TACC2: variants seen among roughly 807,000 people sequenced by gnomAD.
The protein encoded by TACC2 is transforming acidic coiled-coil containing protein 2.
TACC2 carries 137 observed loss-of-function variants against 227.3 expected under a neutral mutation model. The observed-to-expected ratio is 0.60, with a 90% CI of 0.52 to 0.69. TACC2 has a LOEUF of 0.69. TACC2 is among the 30% of genes least tolerant of loss of function. The probability of loss-of-function intolerance (pLI) is 0.00; values close to 1 mark genes in which losing one functional copy is unlikely to be tolerated. For missense variants in TACC2, 3,470 were observed against 3,694.4 expected (o/e 0.94, Z 1.57); for synonymous variants, 1,523 against 1,487.5 (o/e 1.02, Z -0.55).
intron 6 of TACC2, among the ~76,000 whole-genome samples, chr10:122,134,380 G>A (rs545409243): frequency 2.6e-5 from 4 of 151,918 alleles, no homozygotes; most frequent in Non-Finnish European, 5.9e-5. Context: ...ATTTTGCCAT[G>A]TTGGCCAGGC....
intron 14 of TACC2, among the ~76,000 whole-genome samples, chr10:122,228,974 A>G (rs2095680541): frequency 6.6e-6 from 1 of 151,632 alleles, no homozygotes; most frequent in Non-Finnish European, 1.5e-5. Context: ...CTTACTTCAT[A>G]TATATATATA....
chr10:122,182,515 G>T (rs2094005168), intron 7 of TACC2, among the ~76,000 whole-genome samples: 1 of 152,168 alleles, frequency 6.6e-6, no homozygotes, highest in Non-Finnish European at 1.5e-5. Flanking sequence ...TTCTCAGCAG[G>T]ACTCAGTAAT....
chr10:122,087,660 G>T lies in TACC2; in HGVS notation c.5160G>T (p.Ala1720=). The T allele has an allele frequency of 1.2e-6, 2 of 1,613,416 alleles. No individual in the cohort carries two copies. Among genetic ancestry groups the T allele is most frequent in the Non-Finnish European group, 8.5e-7 (1 of 1,179,998 alleles). ...GCACAGCTGAGACACAGGCATGTGCGTCCGGTGATCTGCCTGAAGCAGGTA... is the reference window on the plus strand; with the variant it reads ...GCACAGCTGAGACACAGGCATGTGCTTCCGGTGATCTGCCTGAAGCAGGTA... ...TLSTAETQAC[A]SGDLPEAGTT... is the part of the protein sequence containing the mutation. The change falls in exon 4 of 23, where the codon GCG becomes GCT. Residue 1720 remains alanine (A), a synonymous_variant. Coordinates refer to ENST00000369005, the MANE Select transcript of TACC2 (RefSeq NM_206862.4).
chr10:122,193,940 C>T (rs2094488052), intron 7 of TACC2, among the ~76,000 whole-genome samples: 1 of 152,034 alleles, frequency 6.6e-6, no homozygotes, highest in South Asian at 2.1e-4. Flanking sequence ...TTTTAAGAGA[C>T]AGGGTCTTGC....
chr10:122,158,825 C>T (rs188980725), intron 7 of TACC2, among the ~76,000 whole-genome samples: 6 of 152,304 alleles, frequency 3.9e-5, no homozygotes, highest in South Asian at 4.2e-4. Context: ...TGCAAATAAA[C>T]GAACACAACC....
chr10:122,245,291 T>C (rs2096086049), intron 19 of TACC2, among the ~76,000 whole-genome samples: 1 of 152,186 alleles, frequency 6.6e-6, no homozygotes, highest in African/African-American at 2.4e-5. Context: ...CTAACTGCGT[T>C]TGTCATGTAC....
At position 122,050,521 on chromosome 10, in the gene TACC2, CG is replaced by C; in HGVS notation, c.119del (p.Gly40GlufsTer38). 6.2e-7 allele frequency: 1 copy of C among 1,614,052 alleles called. No individual in the cohort carries two copies. Among genetic ancestry groups the C allele is most frequent in the Non-Finnish European group, 8.5e-7 (1 of 1,180,008 alleles). On this transcript the variant is annotated frameshift_variant, in exon 3 of 23. Coordinates refer to ENST00000369005, the MANE Select transcript of TACC2 (RefSeq NM_206862.4). LOFTEE classifies it high-confidence loss of function. The surrounding 1 kb of genome is among the most constrained non-coding windows in gnomAD (Gnocchi z 4.6). ...NIKRKQQDTP[G>X]SPDHRDASSI... ...TAAAAAGGAAGCAGCAGGACACGCC[CG>C]GAAGCCCTGACCACAGAGACGCGTC... is the stretch of plus-strand genomic sequence containing the variant.
At chr10:122,244,500 G>T (rs1031254595) in intron 19 of TACC2, among the ~76,000 whole-genome samples, 2 of 152,158 alleles carry the variant, frequency 1.3e-5, no homozygotes, top group East Asian at 3.9e-4. Flanking sequence ...CAAGGTCCTT[G>T]TGTCCTTGTG....
chr10:122,250,179 T>A (rs1029877235), intron 22 of TACC2, among the ~76,000 whole-genome samples: 1 of 152,196 alleles, frequency 6.6e-6, no homozygotes, highest in Non-Finnish European at 1.5e-5. Context: ...CACCCCTCCA[T>A]CCACTGTGAG....
intron 3 of TACC2, among the ~76,000 whole-genome samples, chr10:122,074,665 C>T (rs924515334): frequency 3.3e-5 from 5 of 152,026 alleles, no homozygotes; most frequent in Non-Finnish European, 5.9e-5. Flanking sequence ...AGAATTCTGA[C>T]CATTCACAAC....
At chr10:122,213,197 CA>C in intron 9 of TACC2, 1 of 771,986 alleles carries the variant, frequency 1.3e-6, no homozygotes, top group Non-Finnish European at 2.2e-6. Flanking sequence ...AGCTGTTCCC[CA>C]GCAGCTCCTT....
chr10:122,195,169 A>G lies in TACC2; in HGVS notation c.5964A>G (p.Glu1988=), dbSNP rs2094524603. The change falls in exon 8 of 23, where the codon GAA becomes GAG. Residue 1988 remains glutamate, a synonymous_variant. Coordinates refer to ENST00000369005, the MANE Select transcript of TACC2 (RefSeq NM_206862.4). ...AGGTCAGCACACAGCCACCCCCGGA[A>G]GAACCAGGTAACCAAGGGCAGGGAG... ...EPEVSTQPPP[E]EPGCGSETVP... 1 of 1,608,764 alleles carries G rather than the reference A, an allele frequency of 6.2e-7. No homozygotes were observed. The highest frequency in any genetic ancestry group is 1.3e-5 in the African/African-American group (1 of 74,814).
intron 3 of TACC2, among the ~76,000 whole-genome samples, chr10:122,069,250 T>TA (rs2077751078): frequency 6.6e-6 from 1 of 152,014 alleles, no homozygotes; most frequent in Non-Finnish European, 1.5e-5. Context: ...ATTTATTTTT[T>TA]TTTTTTTTTG....
At chr10:122,229,640 C>T (rs919656516) in intron 15 of TACC2, among the ~76,000 whole-genome samples, 154 bp downstream of exon 15, 1 of 152,102 alleles carries the variant, frequency 6.6e-6, no homozygotes, top group African/African-American at 2.4e-5. Flanking sequence ...GTATATGTGA[C>T]GTTCTTTCCC....
Position 122,171,158 on chromosome 10 carries a change from T to TG in TACC2, c.5835-23877dup, listed in dbSNP as rs1175011912. On this transcript the variant is annotated intron_variant, in intron 7 of 22. Transcript: ENST00000369005. ...CCCCATGGCTGTGCAATAAATCCGG[T>TG]GGGGGTGGTGGGCCTCCCCGCAGGT... is the stretch of plus-strand genomic sequence containing the variant. Among the ~76,000 whole-genome samples the TG allele has an allele frequency of 2.6e-5, 4 of 152,176 alleles. No individual in the cohort carries two copies. The East Asian group carries it at 7.7e-4, about 29-fold the overall frequency.
chr10:122,166,341 A>C (rs1409398600), intron 7 of TACC2, among the ~76,000 whole-genome samples: 1 of 152,034 alleles, frequency 6.6e-6, no homozygotes, highest in East Asian at 1.9e-4. Context: ...TTCCAATTGC[A>C]GGTTTGGGGT....
At chr10:122,079,797 C>T (rs902689765) in intron 3 of TACC2, among the ~76,000 whole-genome samples, 2 of 152,214 alleles carry the variant, frequency 1.3e-5, no homozygotes, top group African/African-American at 2.4e-5. Flanking sequence ...CTCCAGGGTT[C>T]TCATCTGCAA....
chr10:122,191,664 T>G (rs190256540), intron 7 of TACC2, among the ~76,000 whole-genome samples: 345 of 152,378 alleles, frequency 2.3e-3, no homozygotes, highest in Non-Finnish European at 4.2e-3. Flanking sequence ...TATAGATATT[T>G]TATTGCATTT....
rs1001999938 is a variant in TACC2, at chr10:122,235,025, A to C, written c.8128-2370A>C. Among the ~76,000 whole-genome samples, 46 of 152,228 alleles carry C rather than the reference A, an allele frequency of 3.0e-4. 1 individual carries two copies. Among genetic ancestry groups the C allele is most frequent in the South Asian group, 2.1e-4 (1 of 4,830 alleles). The stretch of plus-strand genomic sequence containing the variant: ...TGAAATTTTATTGCTCATTAAAAAA[A>C]ACACACACATTTGTTGACTTTAAAA... On this transcript the variant is annotated intron_variant, in intron 16 of 22. Coordinates refer to ENST00000369005, the MANE Select transcript of TACC2 (RefSeq NM_206862.4).
Sources: gnomAD v4.1 joint callset for allele counts (sites outside exome capture counted in the v4.1 genomes callset) on GRCh38, gnomAD v4.1.1 for gene constraint, Gnocchi (gnomAD v3.1) non-coding constraint, MANE v1.5 for transcripts, NCBI Gene and HGNC (gene_info 2026-07-23, HGNC 2026-07-21) for gene names.